DBNDD1: variants seen among roughly 807,000 people sequenced by gnomAD.
DBNDD1 encodes the protein dysbindin domain containing 1.
In DBNDD1, 14 loss-of-function variants were observed where a neutral mutation model predicts 17.0. The ratio of observed to expected loss-of-function variants is 0.82; its 90% CI spans 0.54 to 1.29. DBNDD1 has a LOEUF of 1.29. DBNDD1 is among the 50% of genes most tolerant of loss of function. The pLI, the probability that DBNDD1 is intolerant of heterozygous loss-of-function variation, is 0.00. For synonymous variants in DBNDD1, 105 were observed against 102.0 expected, an observed-to-expected ratio of 1.03 and a Z score of -0.18; for missense variants, 221 against 216.2, an observed-to-expected ratio of 1.02 and a Z score of -0.14.
At chr16:90,017,327 C>T (rs957612665) in intron 1 of DBNDD1, among the ~76,000 whole-genome samples, 6 of 152,072 alleles carry the variant, frequency 3.9e-5, no homozygotes, top group African/African-American at 1.4e-4. Flanking sequence ...AACCCCGTCT[C>T]TACTAAAAGT....
chr16:90,019,260 C>A lies in DBNDD1; in HGVS notation c.31+51G>T, dbSNP rs1358964722. 9.4e-7 allele frequency: 1 copy of A among 1,060,264 alleles called. No individual in the cohort carries two copies. The highest frequency in any genetic ancestry group is 1.2e-6 in the Non-Finnish European group (1 of 835,172). 65.7% of individuals were successfully genotyped at this position (1,060,264 alleles called of 1,614,324 possible). A position where few individuals can be genotyped will look rare whatever the true frequency, so the allele number is the denominator to read the frequency against. Reference sequence around the variant, plus strand: ...AGCCCTGGGGGGAGGGGCTGCGGCTCGCTGCGGGGAAGCGCTGCGCGGGGG... The same window carrying A: ...AGCCCTGGGGGGAGGGGCTGCGGCTAGCTGCGGGGAAGCGCTGCGCGGGGG... On this transcript the variant is annotated intron_variant, in intron 1 of 3. Transcript: ENST00000002501. This position sits in a 1 kb window ranked among gnomAD's most constrained non-coding sequence, Gnocchi z 6.1.
chr16:90,009,167 G>C, intron 2 of DBNDD1, 117 bp downstream of exon 2: 1 of 1,450,798 alleles, frequency 6.9e-7, no homozygotes, highest in Non-Finnish European at 9.2e-7. Flanking sequence ...CTAGCACACA[G>C]CGCCGGACCT....
In DBNDD1 at chr16:90,011,882, T is replaced by C. The variant is rs576243030; in HGVS notation, c.32-2452A>G. Among the ~76,000 whole-genome samples the C allele has an allele frequency of 2.3e-3, 356 of 152,252 alleles. 6 individuals are homozygous for C. The highest frequency in any genetic ancestry group is 8.3e-3 in the African/African-American group (344 of 41,546). On this transcript the variant is annotated intron_variant, in intron 1 of 3. Coordinates refer to ENST00000002501, the MANE Select transcript of DBNDD1 (RefSeq NM_001042610.3). ...CAGCAGGAAGAAGCCTGCTTGACCA[T>C]TGTCCATAGCGCTGAGGGGGTGCCC...
intron 1 of DBNDD1, among the ~76,000 whole-genome samples, chr16:90,015,892 G>A (rs1432501539): frequency 6.6e-6 from 1 of 152,002 alleles, no homozygotes; most frequent in Non-Finnish European, 1.5e-5. Context: ...CTTTCTGGGG[G>A]GGTAATGAAG....
rs139586491 is a variant in DBNDD1 at position 90,009,403 on chromosome 16, T to C, written c.59A>G (p.Gln20Arg). Reference sequence around the variant, plus strand: ...CTGGGCTGGGACGCCCAGCGCAGCCTGCGGCACCTCAGCCTCCTTAACGAT... The same window carrying C: ...CTGGGCTGGGACGCCCAGCGCAGCCCGCGGCACCTCAGCCTCCTTAACGAT... Reference protein sequence around the residue: ...GEIVKEAEVPQAALGVPAQGT... With the variant: ...GEIVKEAEVPRAALGVPAQGT... Residue 20 changes from glutamine (Q) to arginine (R), a missense_variant, in exon 2 of 4, where the codon CAG becomes CGG. By Grantham distance (43) the Gln-to-Arg change is conservative (BLOSUM62 1). Coordinates refer to ENST00000002501, the MANE Select transcript of DBNDD1 (RefSeq NM_001042610.3). The C allele has an allele frequency of 3.5e-5, 57 of 1,612,626 alleles. No homozygotes were observed. Among genetic ancestry groups the C allele is most frequent in the Non-Finnish European group, 4.4e-5 (52 of 1,179,996 alleles).
intron 1 of DBNDD1, among the ~76,000 whole-genome samples, chr16:90,016,804 A>C (rs1329703592): frequency 6.6e-6 from 1 of 152,230 alleles, no homozygotes; most frequent in African/African-American, 2.4e-5. Context: ...TCGAGGAGGC[A>C]CTTGGCACAC....
intron 1 of DBNDD1, among the ~76,000 whole-genome samples, chr16:90,014,852 A>G (rs1398277239): frequency 6.6e-6 from 1 of 152,054 alleles, no homozygotes; most frequent in African/African-American, 2.4e-5. Context: ...CTAAAAATAC[A>G]AAAATTAGCC....
At chr16:90,015,005 C>CA (rs35736879) in intron 1 of DBNDD1, among the ~76,000 whole-genome samples, 101,462 of 140,490 alleles carry the variant, frequency 0.72, 37,067 homozygotes, top group South Asian at 0.83. Flanking sequence ...ACTCTTGTTT[C>CA]AAAAAAAAAA....
intron 1 of DBNDD1, among the ~76,000 whole-genome samples, chr16:90,011,930 C>A (rs917932046): frequency 6.6e-6 from 1 of 152,194 alleles, no homozygotes; most frequent in African/African-American, 2.4e-5. Context: ...TCCAGGAGAC[C>A]CAGCCTGGCC....
chr16:90,015,417 G>A (rs1051003539), intron 1 of DBNDD1, among the ~76,000 whole-genome samples: 1 of 152,160 alleles, frequency 6.6e-6, no homozygotes. Context: ...ATATGTGTTC[G>A]TTGACCATAT....
Position 90,008,881 on chromosome 16 carries a change from G to T in DBNDD1, c.222C>A (p.Leu74=), listed in dbSNP as rs1225462745. Residue 74 remains leucine (L), a synonymous_variant, in exon 3 of 4, where the codon CTC becomes CTA. Coordinates refer to ENST00000002501, the MANE Select transcript of DBNDD1 (RefSeq NM_001042610.3). Reference sequence around the variant, plus strand: ...TGTCGGTGAGCTCAGTGAGGTCCAGGAGGTCGAAGTGGACCTCCAGAGAGG... The same window carrying T: ...TGTCGGTGAGCTCAGTGAGGTCCAGTAGGTCGAAGTGGACCTCCAGAGAGG... ...SVSSLEVHFD[L]LDLTELTDMS... 6.3e-7 allele frequency: 1 copy of T among 1,593,556 alleles called. No homozygotes were observed. The highest frequency in any genetic ancestry group is 1.1e-5 in the South Asian group (1 of 88,846).
chr16:90,013,016 C>G (rs977712126), intron 1 of DBNDD1, among the ~76,000 whole-genome samples: 2 of 151,854 alleles, frequency 1.3e-5, no homozygotes, highest in African/African-American at 4.8e-5. Context: ...TCTCTGGCAG[C>G]CCCCTAATAT....
In DBNDD1 at chr16:90,019,321, G is replaced by A. The variant is rs1029672502; in HGVS notation, c.21C>T (p.Ala7=). The A allele has an allele frequency of 2.5e-6, 3 of 1,219,950 alleles. No homozygotes were observed. The highest frequency in any genetic ancestry group is 2.0e-6 in the Non-Finnish European group (2 of 979,976). The allele number at this position is 1,219,950 out of a possible 1,614,324, so 75.6% of individuals were successfully genotyped here. Reference sequence around the variant, plus strand: ...TGGGGCTGAACTCACCTCCGGTGCCGGCGCCCTCCGGGGGCTCCATGCGGC... The same window carrying A: ...TGGGGCTGAACTCACCTCCGGTGCCAGCGCCCTCCGGGGGCTCCATGCGGC... The part of the protein sequence containing the change: MEPPEG[A]GTGEIVKEAE... The change falls in exon 1 of 4, where the codon GCC becomes GCT. Residue 7 remains alanine, a synonymous_variant. Coordinates refer to ENST00000002501, the MANE Select transcript of DBNDD1 (RefSeq NM_001042610.3). This position sits in a 1 kb window ranked among gnomAD's most constrained non-coding sequence, Gnocchi z 6.1.
chr16:90,006,419 G>T lies in DBNDD1; in HGVS notation c.393C>A (p.His131Gln). 6.2e-7 allele frequency: 1 copy of T among 1,604,466 alleles called. No homozygotes were observed. The change falls in exon 4 of 4, where the codon CAC (histidine) becomes CAA (glutamine). Residue 131 changes from histidine (H) to glutamine (Q), a missense_variant. By Grantham distance (24) the His-to-Gln change is conservative (BLOSUM62 0). Coordinates refer to ENST00000002501, the MANE Select transcript of DBNDD1 (RefSeq NM_001042610.3). ...SWTRTRAEQS[H>Q]EKQPLGDPER... is the part of the protein sequence containing the mutation. ...CGGGGTCGCCTAGGGGCTGCTTCTC[G>T]TGGCTCTGCTCAGCCCTTGTCCTCG...
At chr16:90,009,180 A>AC (rs2035501220) in intron 2 of DBNDD1, 104 bp downstream of exon 2, 1 of 1,501,516 alleles carries the variant, frequency 6.7e-7, no homozygotes, top group Non-Finnish European at 8.9e-7. Context: ...CCGGACCTAG[A>AC]CCCCCCAGGG....
intron 1 of DBNDD1, among the ~76,000 whole-genome samples, chr16:90,011,396 G>A (rs1486381911): frequency 2.0e-5 from 3 of 152,260 alleles, no homozygotes; most frequent in African/African-American, 2.4e-5. Context: ...CAGGTGCCCG[G>A]CCTCCTGAGT....
chr16:90,009,703 C>T, intron 1 of DBNDD1: 1 of 628,060 alleles, frequency 1.6e-6, no homozygotes, highest in Admixed American at 3.1e-5. Flanking sequence ...CGCAAGCACC[C>T]ATGAAAGCCG....
chr16:90,014,333 G>A (rs542345719), intron 1 of DBNDD1, among the ~76,000 whole-genome samples: 1 of 152,092 alleles, frequency 6.6e-6, no homozygotes, highest in Admixed American at 6.5e-5. Context: ...CTCCCTGTTG[G>A]CCAGGCTGGT....
Position 90,018,564 on chromosome 16 carries a change from G to A in DBNDD1, c.31+747C>T, listed in dbSNP as rs931761226. Among the ~76,000 whole-genome samples, 3 of 152,314 alleles carry A rather than the reference G, an allele frequency of 2.0e-5. No individual in the cohort carries two copies. In the East Asian group the frequency reaches 5.8e-4, roughly 29 times the overall value. ...GGAGGAGTCTGCAGTTTGCATCCAA[G>A]TTCCTACCTAGGCAAATGGAACCCC... On this transcript the variant is annotated intron_variant, in intron 1 of 3. Coordinates refer to ENST00000002501, the MANE Select transcript of DBNDD1 (RefSeq NM_001042610.3).
Sources: gnomAD v4.1 joint callset for allele counts (sites outside exome capture counted in the v4.1 genomes callset) on GRCh38, gnomAD v4.1.1 for gene constraint, Gnocchi (gnomAD v3.1) non-coding constraint, MANE v1.5 for transcripts, NCBI Gene and HGNC (gene_info 2026-07-23, HGNC 2026-07-21) for gene names.